Variants in ERAP1 observed in about 807,000 individuals in gnomAD.
ERAP1 encodes endoplasmic reticulum aminopeptidase 1.
A neutral mutation model predicts 103.7 loss-of-function variants in ERAP1; 86 were observed. That is an observed-to-expected ratio of 0.83 (90% CI 0.70 to 0.99). The LOEUF is 0.99. Among genes scored for constraint, ERAP1 ranks in the 50% least tolerant of loss-of-function variants. The probability of loss-of-function intolerance (pLI) is 0.00; values close to 1 mark genes in which losing one functional copy is unlikely to be tolerated. For missense variants in ERAP1, 1,009 were observed against 1,128.4 expected (o/e 0.89, Z 1.52); for synonymous variants, 398 against 402.4 (o/e 0.99, Z 0.13).
chr5:96,886,613 C>T, the ERAP1 span: 26 of 1,447,592 alleles, frequency 1.8e-5, no homozygotes, highest in Admixed American at 3.9e-4. Context: ...TTATGAAATA[C>T]TCCAGTTTTC....
chr5:96,884,200 T>C, the ERAP1 span, among the ~76,000 whole-genome samples: 1 of 152,308 alleles, frequency 6.6e-6, no homozygotes, highest in Non-Finnish European at 1.5e-5. Flanking sequence ...GGAAACAGTA[T>C]CTTAAATCTG....
the ERAP1 span, among the ~76,000 whole-genome samples, chr5:96,926,963 T>C: frequency 2.0e-5 from 3 of 152,102 alleles, no homozygotes; most frequent in African/African-American, 7.2e-5. Context: ...ACTACAGACA[T>C]GCATCACCAT....
At chr5:96,767,518 G>A in intron 19 of ERAP1, 1 of 1,575,462 alleles carries the variant, frequency 6.3e-7, no homozygotes, top group Non-Finnish European at 8.7e-7. Flanking sequence ...ATTAAATTTT[G>A]TTTTATTCTA....
chr5:96,891,473 A>G, the ERAP1 span, among the ~76,000 whole-genome samples: 1 of 84,656 alleles, frequency 1.2e-5, no homozygotes, highest in Admixed American at 1.4e-4. Context: ...ATATACAGGT[A>G]TATATATATA....
the ERAP1 span, among the ~76,000 whole-genome samples, chr5:96,882,026 T>C: frequency 1.3e-5 from 2 of 152,248 alleles, no homozygotes; most frequent in African/African-American, 2.4e-5. Context: ...TGCTCTTCCC[T>C]TCCCCACTTG....
chr5:96,880,071 G>C, the ERAP1 span: 17 of 1,614,158 alleles, frequency 1.1e-5, no homozygotes, highest in Non-Finnish European at 1.1e-5. Context: ...GAAGATTCAA[G>C]ATACATGAAA....
chr5:96,824,645 A>G, the ERAP1 span, among the ~76,000 whole-genome samples: 1 of 152,186 alleles, frequency 6.6e-6, no homozygotes, highest in African/African-American at 2.4e-5. Context: ...ATCTGCCAAC[A>G]ATTGGACTTC....
At chr5:96,897,842 A>T in the ERAP1 span, among the ~76,000 whole-genome samples, 9 of 152,236 alleles carry the variant, frequency 5.9e-5, no homozygotes, top group Admixed American at 4.6e-4. Flanking sequence ...TTTTACAAGC[A>T]CTTGTGTCCC....
At chr5:96,873,316 C>T in the ERAP1 span, 2 of 456,232 alleles carry the variant, frequency 4.4e-6, no homozygotes, top group South Asian at 1.5e-5. Flanking sequence ...ATGTGCGCAA[C>T]ACTGATAGGT....
chr5:96,845,243 T>G, the ERAP1 span, among the ~76,000 whole-genome samples: 6 of 152,288 alleles, frequency 3.9e-5, no homozygotes, highest in East Asian at 1.2e-3. Context: ...GCAACTTTTT[T>G]TTTTCCTTTG....
chr5:96,874,148 A>AGAG, the ERAP1 span, among the ~76,000 whole-genome samples: 19 of 101,962 alleles, frequency 1.9e-4, 1 homozygote, highest in South Asian at 3.1e-4. Context: ...GAAAGAAAGA[A>AGAG]AGAAAGAAAG....
the ERAP1 span, among the ~76,000 whole-genome samples, chr5:96,831,662 T>A: frequency 4.6e-5 from 7 of 152,196 alleles, no homozygotes; most frequent in African/African-American, 1.7e-4. Context: ...TTAGATATAG[T>A]CTAATGTGCC....
the ERAP1 span, chr5:96,823,266 AGAG>A: frequency 5.1e-6 from 2 of 394,536 alleles, no homozygotes; most frequent in African/African-American, 4.1e-5. Flanking sequence ...CCTGCAGTCA[AGAG>A]GAGGGGATCA....
chr5:96,781,638 C>G, intron 16 of ERAP1, 55 bp downstream of exon 16: 4 of 1,607,430 alleles, frequency 2.5e-6, no homozygotes, highest in Non-Finnish European at 3.4e-6. Flanking sequence ...CCAGAATGAT[C>G]TAATCTAATC....
At chr5:96,899,694 A>G in the ERAP1 span, among the ~76,000 whole-genome samples, 1 of 152,208 alleles carries the variant, frequency 6.6e-6, no homozygotes, top group Admixed American at 6.5e-5. Context: ...TGTTTCCCCT[A>G]CTGTCAAAGA....
chr5:96,792,298 TG>T, intron 7 of ERAP1, 106 bp from the exon 8 acceptor site: 1 of 1,030,144 alleles, frequency 9.7e-7, no homozygotes, highest in East Asian at 2.4e-5. Context: ...CTTCACATTT[TG>T]GGGGCAACCT....
In ERAP1 at chr5:96,792,147, C is replaced by T. The variant is rs774673424; in HGVS notation, c.1234G>A (p.Ala412Thr). The T allele has an allele frequency of 7.4e-6, 12 of 1,613,722 alleles. No individual in the cohort carries two copies. The highest frequency in any genetic ancestry group is 8.5e-6 in the Non-Finnish European group (10 of 1,179,742). Residue 412 changes from alanine to threonine, a missense_variant, in exon 8 of 19, where the codon GCT (alanine) becomes ACT (threonine). This residue lies in a region of ERAP1 where 611 missense variants were observed against 651.7 expected (regional missense o/e 0.94). Coordinates refer to ENST00000443439, the MANE Select transcript of ERAP1 (RefSeq NM_001040458.3). ...GACACAGGGTGTGAGGAATTTAAAG[C>T]ATCTACCTCCATTGCGTCAAAACAT... The part of the protein sequence containing the change: ...GKCFDAMEVD[A>T]LNSSHPVSTP...
At chr5:96,825,467 A>G in the ERAP1 span, among the ~76,000 whole-genome samples, 1 of 152,214 alleles carries the variant, frequency 6.6e-6, no homozygotes, top group East Asian at 1.9e-4. Context: ...CTGCTGTCAG[A>G]TGAAGTGTTC....
At chr5:96,902,291 CA>C in the ERAP1 span, 1 of 1,609,540 alleles carries the variant, frequency 6.2e-7, no homozygotes, top group Non-Finnish European at 8.5e-7. Context: ...TGGCATATCC[CA>C]TTGACCTACT....
Sources: gnomAD v4.1 joint callset for allele counts (sites outside exome capture counted in the v4.1 genomes callset) on GRCh38, gnomAD v4.1.1 for gene constraint, gnomAD v4.1.1 regional missense constraint, MANE v1.5 for transcripts, NCBI Gene and HGNC (gene_info 2026-07-23, HGNC 2026-07-21) for gene names.